Variants in NME7 observed in about 807,000 individuals in gnomAD.
The protein encoded by NME7 is NME/NM23 family member 7, also known as nucleoside diphosphate kinase 7.
In NME7, 41 loss-of-function variants were observed where a neutral mutation model predicts 49.1. That is an observed-to-expected ratio of 0.83 (90% CI 0.65 to 1.08). The LOEUF is 1.08. Ranked by LOEUF, NME7 falls within the 50% of genes least tolerant of loss-of-function variation. NME7 has a pLI of 0.00. For synonymous variants in NME7, 139 were observed against 150.6 expected (o/e 0.92, Z 0.56); for missense variants, 423 against 463.4 (o/e 0.91, Z 0.80).
chr1:169,316,556 A>G (rs983620182), intron 3 of NME7, among the ~76,000 whole-genome samples: 1 of 152,192 alleles, frequency 6.6e-6, no homozygotes, highest in African/African-American at 2.4e-5. Context: ...AGGCCTTGAG[A>G]TAGTAGAGAT....
chr1:169,335,166 T>C (rs1164804650), intron 1 of NME7, among the ~76,000 whole-genome samples: 3 of 152,214 alleles, frequency 2.0e-5, no homozygotes, highest in Non-Finnish European at 4.4e-5. Flanking sequence ...CTCAAGGATT[T>C]AGAACCAGAA....
Position 169,268,034 on chromosome 1 carries a change from T to G in NME7, c.754+19269A>C, listed in dbSNP as rs548081878. 3.0e-5 allele frequency among the ~76,000 whole-genome samples: 4 copies of G among 133,374 alleles called. No individual in the cohort carries two copies. The East Asian group carries it at 8.0e-4, about 27-fold the overall frequency. 87.5% of individuals were successfully genotyped at this position (133,374 alleles called of 152,430 possible). On this transcript the variant is annotated intron_variant, in intron 7 of 11. Transcript: ENST00000367811. ...AATGAGAGAAAATATTTGCTAACTA[T>G]ACGTCTGACAGAGGTCTAACATCCA...
chr1:169,342,756 G>GTGTA (rs1652789245), intron 1 of NME7, among the ~76,000 whole-genome samples: 1 of 32,012 alleles, frequency 3.1e-5, no homozygotes, highest in African/African-American at 1.7e-4. Context: ...CATATATATA[G>GTGTA]TATATATATA....
At chr1:169,162,391 C>T (rs1659276819) in intron 11 of NME7, among the ~76,000 whole-genome samples, 2 of 149,842 alleles carry the variant, frequency 1.3e-5, no homozygotes, top group African/African-American at 4.9e-5. Context: ...AGTTACAGAA[C>T]ATTTAGAAAA....
rs1257673770 is a variant in NME7, at chr1:169,168,469, GGAGT to G, written c.1098+974_1098+977del. On this transcript the variant is annotated intron_variant, in intron 11 of 11. Coordinates refer to ENST00000367811, the MANE Select transcript of NME7 (RefSeq NM_013330.5). ...AAAGTCTCGCTATGATGTCCAGGGTGGAGTTCAGGGGCTATTCACAAATGCAATC... is the reference window on the plus strand; with the variant it reads ...AAAGTCTCGCTATGATGTCCAGGGTGTCAGGGGCTATTCACAAATGCAATC... Among the ~76,000 whole-genome samples, 5 of 152,248 alleles carry G rather than the reference GGAGT, an allele frequency of 3.3e-5. No individual in the cohort carries two copies. The East Asian group carries it at 9.7e-4, about 29-fold the overall frequency.
chr1:169,287,456 A>AACTT, intron 6 of NME7, 48 bp from the exon 7 acceptor site: 1 of 1,246,130 alleles, frequency 8.0e-7, no homozygotes, highest in Non-Finnish European at 1.1e-6. Context: ...TCTTATCTTG[A>AACTT]ACTTACAAGA....
chr1:169,235,301 C>G (rs1571313631), intron 8 of NME7, 102 bp from the exon 9 acceptor site: 1 of 542,966 alleles, frequency 1.8e-6, no homozygotes, highest in African/African-American at 2.0e-5. Context: ...CTTCTTTACT[C>G]TAAAACATAA....
intron 10 of NME7, among the ~76,000 whole-genome samples, chr1:169,208,115 T>C (rs367836480): frequency 6.6e-6 from 1 of 152,192 alleles, no homozygotes; most frequent in African/African-American, 2.4e-5. Context: ...ACAAATCTGC[T>C]TAACTTCATT....
chr1:169,341,046 G>C (rs1652675300), intron 1 of NME7, among the ~76,000 whole-genome samples: 1 of 152,190 alleles, frequency 6.6e-6, no homozygotes, highest in Non-Finnish European at 1.5e-5. Flanking sequence ...ATGAGGAACG[G>C]AATGTTAATA....
intron 3 of NME7, among the ~76,000 whole-genome samples, chr1:169,319,993 A>C (rs1327233779): frequency 6.6e-6 from 1 of 152,208 alleles, no homozygotes; most frequent in Non-Finnish European, 1.5e-5. Flanking sequence ...GTAAACATTT[A>C]ATACCTCACT....
chr1:169,321,314 C>T (rs968091747), intron 3 of NME7, among the ~76,000 whole-genome samples: 4 of 152,242 alleles, frequency 2.6e-5, no homozygotes, highest in African/African-American at 9.6e-5. Context: ...GGGCTATGAT[C>T]ATGCCACTTC....
chr1:169,351,448 T>C (rs1653166793), intron 1 of NME7, among the ~76,000 whole-genome samples: 1 of 151,962 alleles, frequency 6.6e-6, no homozygotes, highest in Admixed American at 6.6e-5. Flanking sequence ...GGGAAATTTA[T>C]AGCTCTAAGT....
Position 169,332,260 on chromosome 1 carries a change from G to A in NME7, c.4-7760C>T, listed in dbSNP as rs146186551. Among the ~76,000 whole-genome samples the A allele has an allele frequency of 9.9e-4, 151 of 152,076 alleles. 2 individuals are homozygous for A. In the East Asian group the frequency reaches 0.029, roughly 29 times the overall value. On this transcript the variant is annotated intron_variant, in intron 1 of 11. Coordinates refer to ENST00000367811, the MANE Select transcript of NME7 (RefSeq NM_013330.5). ...ATAAATGGTGCTGGGAAAACTAGAT[G>A]TCTATATGCAGAAGAATGAAACTAG... is the stretch of plus-strand genomic sequence containing the variant.
chr1:169,224,562 T>C (rs1213763438), intron 10 of NME7, among the ~76,000 whole-genome samples: 1 of 152,176 alleles, frequency 6.6e-6, no homozygotes, highest in Non-Finnish European at 1.5e-5. Context: ...AACAGATCTG[T>C]AATATTTTAC....
intron 7 of NME7, among the ~76,000 whole-genome samples, chr1:169,244,585 G>A (rs12070031): frequency 0.045 from 6,416 of 141,542 alleles, 196 homozygotes; most frequent in East Asian, 0.13. Context: ...TCAGTGAGCC[G>A]AGATTGCACC....
Position 169,329,590 on chromosome 1 carries a change from T to C in NME7, c.4-5090A>G, listed in dbSNP as rs1212337516. On this transcript the variant is annotated intron_variant, in intron 1 of 11. Coordinates refer to ENST00000367811, the MANE Select transcript of NME7 (RefSeq NM_013330.5). ...GCATCAGAGTCCTTTAATGGCAGAA[T>C]TGATCAAGCAGAAGAATTAGTGAGA... 5.9e-5 allele frequency among the ~76,000 whole-genome samples: 9 copies of C among 151,764 alleles called. No homozygotes were observed. In the East Asian group the frequency reaches 9.7e-4, roughly 16 times the overall value.
intron 11 of NME7, among the ~76,000 whole-genome samples, chr1:169,147,556 G>T (rs1658793688): frequency 6.6e-6 from 1 of 152,138 alleles, no homozygotes; most frequent in African/African-American, 2.4e-5. Context: ...ACCAATGCTT[G>T]GCATATGGCC....
At chr1:169,257,759 G>A (rs75866973) in intron 7 of NME7, among the ~76,000 whole-genome samples, 2,417 of 134,068 alleles carry the variant, frequency 0.018, 309 homozygotes, top group African/African-American at 0.057. Context: ...TTGTTTGTCT[G>A]AAAATGACTT....
At chr1:169,362,363 T>C (rs980124387) in intron 1 of NME7, among the ~76,000 whole-genome samples, 4 of 152,224 alleles carry the variant, frequency 2.6e-5, no homozygotes, top group Non-Finnish European at 5.9e-5. Flanking sequence ...ATGCTATATT[T>C]TAGAAGATAC....
Sources: allele counts gnomAD v4.1 joint callset (sites outside exome capture counted in the v4.1 genomes callset), GRCh38; gene constraint gnomAD v4.1.1; transcripts MANE v1.5; gene names NCBI Gene and HGNC (gene_info 2026-07-23, HGNC 2026-07-21).